DHX57: variants seen among roughly 807,000 people sequenced by gnomAD.
DHX57 encodes the protein putative ATP-dependent RNA helicase DHX57.
Under a neutral mutation model 156.2 loss-of-function variants are expected in DHX57, and 105 were observed. The observed-to-expected ratio is 0.67, with a 90% CI of 0.57 to 0.79. The LOEUF (loss-of-function observed/expected upper bound fraction) is 0.79. Ranked by LOEUF, DHX57 falls within the 30% of genes least tolerant of loss-of-function variation. The pLI, the probability that DHX57 is intolerant of heterozygous loss-of-function variation, is 0.00. For missense variants in DHX57, 1,847 were observed against 1,661.9 expected (o/e 1.11, Z -1.94); for synonymous variants, 704 against 595.6 (o/e 1.18, Z -2.65).
chr2:38,817,825 G>A (rs1310762398), intron 19 of DHX57, among the ~76,000 whole-genome samples: 1 of 152,122 alleles, frequency 6.6e-6, no homozygotes, highest in East Asian at 1.9e-4. Context: ...AGCCTCTGGA[G>A]TAGATGGGAT....
intron 1 of DHX57, among the ~76,000 whole-genome samples, chr2:38,874,820 G>A (rs1665532449): frequency 6.6e-6 from 1 of 152,128 alleles, no homozygotes; most frequent in South Asian, 2.1e-4. Context: ...CAAAAATGTA[G>A]AGTCATTAAA....
intron 21 of DHX57, chr2:38,811,741 C>T (rs1278292190): frequency 8.9e-6 from 5 of 561,894 alleles, no homozygotes; most frequent in Non-Finnish European, 1.3e-5. Flanking sequence ...GGAGCAAAGG[C>T]AGGCAACAGA....
chr2:38,857,899 C>A (rs1188369082), intron 6 of DHX57, among the ~76,000 whole-genome samples: 1 of 152,102 alleles, frequency 6.6e-6, no homozygotes, highest in Admixed American at 6.6e-5. Context: ...TAAGGTAAAT[C>A]GCAGTATTTG....
chr2:38,801,325 C>T (rs759294131), intron 23 of DHX57, among the ~76,000 whole-genome samples: 1 of 152,152 alleles, frequency 6.6e-6, no homozygotes, highest in African/African-American at 2.4e-5. Flanking sequence ...ACTGAAGCCT[C>T]GACCTCTTGG....
intron 16 of DHX57, 112 bp downstream of exon 16, chr2:38,825,735 G>T: frequency 3.9e-6 from 4 of 1,018,038 alleles, no homozygotes; most frequent in East Asian, 2.5e-5. Flanking sequence ...TGAGATTATT[G>T]GTGGTCATTC....
At chr2:38,864,331 GC>G (rs1664935277) in intron 2 of DHX57, among the ~76,000 whole-genome samples, 1 of 149,516 alleles carries the variant, frequency 6.7e-6, no homozygotes, top group Non-Finnish European at 1.5e-5. Context: ...GATTGCTTAA[GC>G]CCCAGGAGTT....
intron 13 of DHX57, among the ~76,000 whole-genome samples, chr2:38,829,070 T>C (rs926835097): frequency 2.6e-5 from 4 of 151,652 alleles, no homozygotes; most frequent in Non-Finnish European, 4.4e-5. Context: ...GCCTCCTGAG[T>C]AGTTGGGACT....
intron 1 of DHX57, among the ~76,000 whole-genome samples, chr2:38,869,900 T>C (rs1034632274): frequency 1.3e-5 from 2 of 152,056 alleles, no homozygotes; most frequent in Non-Finnish European, 2.9e-5. Context: ...TTCAAAATAG[T>C]CATTATAAGT....
chr2:38,814,177 A>G (rs759126884), intron 20 of DHX57, among the ~76,000 whole-genome samples: 2 of 152,126 alleles, frequency 1.3e-5, no homozygotes, highest in Non-Finnish European at 2.9e-5. Flanking sequence ...ACCTCAAGCA[A>G]TCTGCCCACC....
intron 5 of DHX57, among the ~76,000 whole-genome samples, 190 bp downstream of exon 5, chr2:38,860,809 A>G (rs1673152262): frequency 6.6e-6 from 1 of 152,172 alleles, no homozygotes; most frequent in Non-Finnish European, 1.5e-5. Context: ...CAGCAACACA[A>G]TTGAGCCTTA....
chr2:38,828,408 T>G lies in DHX57; in HGVS notation c.2571A>C (p.Leu857=). The G allele has an allele frequency of 6.2e-7, 1 of 1,613,514 alleles. No homozygotes were observed. Among genetic ancestry groups the G allele is most frequent in the Admixed American group, 1.7e-5 (1 of 59,958 alleles). The change falls in exon 14 of 24, where the codon CTA becomes CTC. Residue 857 remains leucine, a synonymous_variant. Transcript: ENST00000457308. ...PGAILVFLPG[L]AEIKMLYEQL... The stretch of plus-strand genomic sequence containing the variant: ...GTTCATAAAGCATTTTGATTTCTGC[T>G]AGTCCTGGTAAAAATACAAGTATAG...
chr2:38,834,421 A>G (rs1671545388), intron 13 of DHX57, among the ~76,000 whole-genome samples: 2 of 152,180 alleles, frequency 1.3e-5, no homozygotes, highest in Non-Finnish European at 2.9e-5. Flanking sequence ...ACTTTATTTA[A>G]AAAATGATTT....
intron 21 of DHX57, chr2:38,811,277 T>C (rs1670231463): frequency 3.9e-6 from 2 of 516,432 alleles, no homozygotes; most frequent in Admixed American, 4.5e-5. Flanking sequence ...GGCCAGCGAG[T>C]AGCAGGCGAG....
intron 17 of DHX57, 69 bp from the exon 18 acceptor site, chr2:38,819,213 T>G: frequency 6.7e-7 from 1 of 1,486,254 alleles, no homozygotes; most frequent in Non-Finnish European, 9.3e-7. Context: ...CTTGTTCTGT[T>G]GCCCAGGCTG....
intron 22 of DHX57, among the ~76,000 whole-genome samples, chr2:38,804,722 T>C (rs1669862921): frequency 1.3e-5 from 2 of 149,794 alleles, no homozygotes; most frequent in Admixed American, 1.3e-4. Context: ...ACACACCAAA[T>C]ACACTCCCAC....
chr2:38,827,505 A>ATATAT (rs1553326973), intron 14 of DHX57, among the ~76,000 whole-genome samples: 2 of 10,154 alleles, frequency 2.0e-4, no homozygotes, highest in African/African-American at 2.8e-4. Flanking sequence ...AAAAAAAAAA[A>ATATAT]ATATATATAT....
At position 38,861,748 on chromosome 2, in the gene DHX57, C is replaced by T; in HGVS notation, c.662G>A (p.Cys221Tyr). 1.9e-6 allele frequency: 3 copies of T among 1,614,202 alleles called. No individual in the cohort carries two copies. Among genetic ancestry groups the T allele is most frequent in the Non-Finnish European group, 1.7e-6 (2 of 1,180,044 alleles). ...GASLEHLLTQCFSETFGERMK... is the reference protein window; with the variant it reads ...GASLEHLLTQYFSETFGERMK... ...CCTCTCTCCAAATGTCTCTGAAAAA[C>T]ACTGGGTAAGGAGATGCTCTAGTGA... Residue 221 changes from cysteine (C) to tyrosine (Y), a missense_variant, in exon 5 of 24, where the codon TGT (cysteine) becomes TAT (tyrosine). Physicochemically the swap from Cys to Tyr is radical, Grantham distance 194. Transcript: ENST00000457308.
At chr2:38,833,494 G>C (rs1671489975) in intron 13 of DHX57, among the ~76,000 whole-genome samples, 1 of 152,114 alleles carries the variant, frequency 6.6e-6, no homozygotes, top group African/African-American at 2.4e-5. Context: ...ACAACAGATA[G>C]GGTGGTCTGT....
At chr2:38,800,882 A>G (rs148170439) in intron 23 of DHX57, among the ~76,000 whole-genome samples, 2 of 152,186 alleles carry the variant, frequency 1.3e-5, no homozygotes, top group Admixed American at 6.6e-5. Flanking sequence ...GGCCAGCCCA[A>G]ACTGAGATGT....
Sources: gnomAD v4.1 joint callset for allele counts (sites outside exome capture counted in the v4.1 genomes callset) on GRCh38, gnomAD v4.1.1 for gene constraint, MANE v1.5 for transcripts, NCBI Gene and HGNC (gene_info 2026-07-23, HGNC 2026-07-21) for gene names.